GRB14: variants seen among roughly 807,000 people sequenced by gnomAD.
The protein encoded by GRB14 is growth factor receptor bound protein 14.
Under a neutral mutation model 69.1 loss-of-function variants are expected in GRB14, and 38 were observed. That is an observed-to-expected ratio of 0.55 (90% CI 0.42 to 0.72). GRB14 has a LOEUF of 0.72. Among genes scored for constraint, GRB14 ranks in the 30% least tolerant of loss-of-function variants. GRB14 has a pLI of 0.00. For synonymous variants in GRB14, 247 were observed against 241.3 expected (o/e 1.02, Z -0.22); for missense variants, 666 against 666.1 (o/e 1.00, Z 0.00).
chr2:164,585,359 A>G (rs574902670), intron 2 of GRB14, among the ~76,000 whole-genome samples: 2 of 152,072 alleles, frequency 1.3e-5, no homozygotes, highest in East Asian at 3.9e-4. Context: ...TAAATGGTAC[A>G]AAAAATTTCA....
chr2:164,566,200 A>T (rs983403997), intron 2 of GRB14, among the ~76,000 whole-genome samples: 4 of 152,196 alleles, frequency 2.6e-5, no homozygotes, highest in Non-Finnish European at 5.9e-5. Context: ...ATGGAAAATA[A>T]ATTAATTACA....
intron 8 of GRB14, among the ~76,000 whole-genome samples, chr2:164,503,390 A>G: frequency 6.9e-6 from 1 of 145,896 alleles, no homozygotes; most frequent in Non-Finnish European, 1.5e-5. Context: ...AAAGAAAAAT[A>G]GTCATTCCCT....
At chr2:164,504,350 A>G (rs1182055154) in intron 8 of GRB14, among the ~76,000 whole-genome samples, 9 of 152,142 alleles carry the variant, frequency 5.9e-5, no homozygotes. Context: ...ATAACACAGT[A>G]GACAACAAAA....
chr2:164,512,436 C>A (rs561640390), intron 6 of GRB14, among the ~76,000 whole-genome samples: 5 of 152,078 alleles, frequency 3.3e-5, no homozygotes, highest in Non-Finnish European at 7.4e-5. Flanking sequence ...CAAAGTACTG[C>A]GATTACAGGT....
At chr2:164,603,677 T>A (rs60871208) in intron 2 of GRB14, among the ~76,000 whole-genome samples, 109,201 of 148,122 alleles carry the variant, frequency 0.74, 40,967 homozygotes, top group Admixed American at 0.81. Context: ...AAAAAATATA[T>A]ATATATTAAC....
intron 2 of GRB14, among the ~76,000 whole-genome samples, chr2:164,605,869 C>T (rs1394453668): frequency 6.6e-6 from 1 of 152,120 alleles, no homozygotes; most frequent in Non-Finnish European, 1.5e-5. Context: ...AGATATCCAA[C>T]CCTCATGAGA....
chr2:164,613,524 A>G (rs1243728701), intron 2 of GRB14, among the ~76,000 whole-genome samples: 1 of 152,222 alleles, frequency 6.6e-6, no homozygotes, highest in East Asian at 1.9e-4. Context: ...ACTTGGGAGC[A>G]GCCACTTGAG....
chr2:164,571,413 A>T (rs541545737), intron 2 of GRB14, among the ~76,000 whole-genome samples: 1 of 152,356 alleles, frequency 6.6e-6, no homozygotes, highest in East Asian at 1.9e-4. Context: ...TTGGTCTTTT[A>T]TCTCCAAAAA....
chr2:164,565,173 T>C (rs1688938672), intron 2 of GRB14, among the ~76,000 whole-genome samples: 1 of 152,188 alleles, frequency 6.6e-6, no homozygotes, highest in Non-Finnish European at 1.5e-5. Flanking sequence ...GTTTATACTT[T>C]ACAATACTTG....
At chr2:164,513,867 T>C (rs774890814) in intron 6 of GRB14, among the ~76,000 whole-genome samples, 1 of 152,180 alleles carries the variant, frequency 6.6e-6, no homozygotes, top group Non-Finnish European at 1.5e-5. Flanking sequence ...ATAAAAATTC[T>C]CAAAAGAATT....
At chr2:164,528,290 T>G (rs886323233) in intron 3 of GRB14, among the ~76,000 whole-genome samples, 2 of 152,068 alleles carry the variant, frequency 1.3e-5, no homozygotes, top group African/African-American at 4.8e-5. Flanking sequence ...ACACTTTTCT[T>G]AATGTATGCC....
intron 2 of GRB14, among the ~76,000 whole-genome samples, chr2:164,585,050 C>T (rs1437160932): frequency 8.0e-6 from 1 of 125,150 alleles, no homozygotes; most frequent in African/African-American, 3.1e-5. Context: ...TCAAGTGATT[C>T]TCCTGCCTCA....
intron 3 of GRB14, among the ~76,000 whole-genome samples, chr2:164,546,584 T>C (rs963045423): frequency 7.2e-5 from 11 of 152,168 alleles, no homozygotes; most frequent in Non-Finnish European, 1.5e-4. Flanking sequence ...TCCACCACGA[T>C]GCCCCTCCCA....
intron 8 of GRB14, among the ~76,000 whole-genome samples, chr2:164,507,952 A>G (rs530253637): frequency 6.6e-6 from 1 of 152,342 alleles, no homozygotes; most frequent in Admixed American, 6.5e-5. Context: ...ATTTCTACTT[A>G]GCACGAGAGT....
intron 1 of GRB14, among the ~76,000 whole-genome samples, chr2:164,620,637 T>G (rs1262987567): frequency 7.2e-5 from 11 of 152,170 alleles, no homozygotes. Flanking sequence ...CTGAATGCTA[T>G]GGAGATTGGG....
chr2:164,580,198 G>C (rs1689363619), intron 2 of GRB14, among the ~76,000 whole-genome samples: 3 of 151,498 alleles, frequency 2.0e-5, no homozygotes, highest in Admixed American at 2.0e-4. Context: ...GGGTTCAAGT[G>C]ATTCTCCTGC....
intron 3 of GRB14, among the ~76,000 whole-genome samples, chr2:164,529,706 G>A (rs1687872463): frequency 6.6e-6 from 1 of 152,082 alleles, no homozygotes; most frequent in Non-Finnish European, 1.5e-5. Flanking sequence ...GCCTTTTGTT[G>A]TTCAGCCTAA....
At chr2:164,614,511 G>T (rs1181790798) in intron 2 of GRB14, among the ~76,000 whole-genome samples, 2 of 152,078 alleles carry the variant, frequency 1.3e-5, no homozygotes, top group Admixed American at 6.6e-5. Flanking sequence ...TTATGTTAGG[G>T]AATAATGGCA....
rs548320285 is a variant in GRB14, at chr2:164,537,203, G to A, written c.482-10068C>T. On this transcript the variant is annotated intron_variant, in intron 3 of 13. Transcript: ENST00000263915. ...CACTCTCCCTGGACAGTGGCACTAC[G>A]TTACCTATCAGTCAGCTTGGACAGC... Among the ~76,000 whole-genome samples, 8 of 152,272 alleles carry A rather than the reference G, an allele frequency of 5.3e-5. 1 individual carries two copies. Among genetic ancestry groups the A allele is most frequent in the African/African-American group, 1.2e-4 (5 of 41,540 alleles).
Sources: allele counts gnomAD v4.1 joint callset (sites outside exome capture counted in the v4.1 genomes callset), GRCh38; gene constraint gnomAD v4.1.1; transcripts MANE v1.5; gene names NCBI Gene and HGNC (gene_info 2026-07-23, HGNC 2026-07-21).